Variants in VSTM4 observed in about 807,000 individuals in gnomAD.
VSTM4 encodes V-set and transmembrane domain containing 4, also known as V-set and transmembrane domain-containing protein 4.
A neutral mutation model predicts 36.4 loss-of-function variants in VSTM4; 20 were observed. That is an observed-to-expected ratio of 0.55 (90% CI 0.39 to 0.80). The LOEUF (loss-of-function observed/expected upper bound fraction) is 0.80. Among genes scored for constraint, VSTM4 ranks in the 30% least tolerant of loss-of-function variants. VSTM4 has a pLI of 0.00. For synonymous variants in VSTM4, 182 were observed against 173.9 expected (o/e 1.05, Z -0.37); for missense variants, 392 against 404.5 (o/e 0.97, Z 0.26).
chr10:49,028,644 T>C (rs58468873), intron 7 of VSTM4, among the ~76,000 whole-genome samples: 5,777 of 152,294 alleles, frequency 0.038, 312 homozygotes, highest in African/African-American at 0.11. Flanking sequence ...AACTTAACAT[T>C]CTTACTAAGA....
chr10:49,023,902 A>C (rs1315116900), intron 7 of VSTM4, among the ~76,000 whole-genome samples: 1 of 152,186 alleles, frequency 6.6e-6, no homozygotes, highest in Non-Finnish European at 1.5e-5. Context: ...ATTCCATTGA[A>C]AGCCTCAAGG....
intron 2 of VSTM4, among the ~76,000 whole-genome samples, chr10:49,098,237 C>A (rs924563569): frequency 3.3e-5 from 5 of 152,212 alleles, no homozygotes; most frequent in African/African-American, 1.2e-4. Context: ...TCCTCACCAG[C>A]CTTGGGGCTG....
rs1424967763 is a variant in VSTM4 at position 49,107,695 on chromosome 10, G to A, written c.356C>T (p.Pro119Leu). The stretch of plus-strand genomic sequence containing the variant: ...GCAGACGTAATGCCCTTGATCGGAG[G>A]GCTGCAGTGTCAAGACGGAGAGCCT... ...LYRLSVLTLQPSDQGHYVCRV... is the reference protein window; with the variant it reads ...LYRLSVLTLQLSDQGHYVCRV... Residue 119 changes from proline (P) to leucine (L), a missense_variant, in exon 2 of 8, where the codon CCC (proline) becomes CTC (leucine). Pro to Leu is a moderately conservative substitution (Grantham distance 98). Coordinates refer to ENST00000332853, the MANE Select transcript of VSTM4 (RefSeq NM_001031746.5). The A allele has an allele frequency of 6.2e-7, 1 of 1,614,226 alleles. No individual in the cohort carries two copies. Among genetic ancestry groups the A allele is most frequent in the Non-Finnish European group, 8.5e-7 (1 of 1,180,032 alleles).
At chr10:49,044,259 T>C (rs916948425) in intron 7 of VSTM4, among the ~76,000 whole-genome samples, 3 of 151,538 alleles carry the variant, frequency 2.0e-5, no homozygotes, top group Admixed American at 2.0e-4. Context: ...ACCAGGGAGG[T>C]GGAGGCTGCA....
At chr10:49,076,991 C>G (rs947860054) in intron 4 of VSTM4, among the ~76,000 whole-genome samples, 5 of 152,154 alleles carry the variant, frequency 3.3e-5, no homozygotes, top group Non-Finnish European at 5.9e-5. Flanking sequence ...CAGGAAGGGG[C>G]CTCAGAAACC....
At chr10:49,066,578 T>G (rs550500271) in intron 4 of VSTM4, among the ~76,000 whole-genome samples, 3 of 152,280 alleles carry the variant, frequency 2.0e-5, no homozygotes, top group Admixed American at 2.0e-4. Flanking sequence ...CTAATATCTA[T>G]TAACAAAATT....
chr10:49,035,010 G>C (rs1246364811), intron 7 of VSTM4, among the ~76,000 whole-genome samples: 1 of 152,240 alleles, frequency 6.6e-6, no homozygotes, highest in African/African-American at 2.4e-5. Flanking sequence ...CGCTGAGATG[G>C]AAAACAAGCT....
chr10:49,099,154 C>T (rs928505685), intron 2 of VSTM4, among the ~76,000 whole-genome samples: 1 of 152,210 alleles, frequency 6.6e-6, no homozygotes, highest in African/African-American at 2.4e-5. Context: ...ACGACACAAT[C>T]ACCTCCTTCT....
At chr10:49,079,835 A>G (rs1414543534) in intron 3 of VSTM4, among the ~76,000 whole-genome samples, 1 of 152,050 alleles carries the variant, frequency 6.6e-6, no homozygotes, top group East Asian at 1.9e-4. Context: ...CCATCCTGTC[A>G]CCCTGAGATA....
In VSTM4 at chr10:49,078,497, T is replaced by A. The variant is rs183909820; in HGVS notation, c.527-1171A>T. Among the ~76,000 whole-genome samples, 3 of 147,404 alleles carry A rather than the reference T, an allele frequency of 2.0e-5. No individual in the cohort carries two copies. The Admixed American group carries it at 2.1e-4, about 10-fold the overall frequency. On this transcript the variant is annotated intron_variant, in intron 3 of 7. Transcript: ENST00000332853. The stretch of plus-strand genomic sequence containing the variant: ...CTATCGACACACACACCAACCTGGA[T>A]GAATCTCCAGAGAAGTACGCTGAGT...
At chr10:49,069,028 C>A (rs1844024926) in intron 4 of VSTM4, among the ~76,000 whole-genome samples, 1 of 151,998 alleles carries the variant, frequency 6.6e-6, no homozygotes, top group Non-Finnish European at 1.5e-5. Flanking sequence ...ACCACCCCCA[C>A]CCTTTCTTCT....
At chr10:49,071,572 G>C (rs1412973977) in intron 4 of VSTM4, among the ~76,000 whole-genome samples, 1 of 152,234 alleles carries the variant, frequency 6.6e-6, no homozygotes, top group Non-Finnish European at 1.5e-5. Context: ...GCCAGGCTTG[G>C]GGTGAGGGCA....
rs537382859 is a variant in VSTM4, at chr10:49,045,924, G to A, written c.837+1059C>T. 6.6e-5 allele frequency among the ~76,000 whole-genome samples: 10 copies of A among 152,274 alleles called. No individual in the cohort carries two copies. In the South Asian group the frequency reaches 2.1e-3, roughly 32 times the overall value. ...CAAATTGTAAACCCCAGGTGTCAAGGGAGGGAAGTGATTGGGTTAGGGGGT... is the reference window on the plus strand; with the variant it reads ...CAAATTGTAAACCCCAGGTGTCAAGAGAGGGAAGTGATTGGGTTAGGGGGT... On this transcript the variant is annotated intron_variant, in intron 7 of 7. Transcript: ENST00000332853.
intron 1 of VSTM4, among the ~76,000 whole-genome samples, chr10:49,109,318 G>C (rs1349826854): frequency 6.6e-6 from 1 of 152,216 alleles, no homozygotes; most frequent in Non-Finnish European, 1.5e-5. Flanking sequence ...CTGAACATTT[G>C]ACAAGGAGGC....
At chr10:49,063,356 T>G (rs1246071286) in intron 5 of VSTM4, among the ~76,000 whole-genome samples, 1 of 152,170 alleles carries the variant, frequency 6.6e-6, no homozygotes, top group African/African-American at 2.4e-5. Context: ...AAAAACTGCT[T>G]CAAAATTTTT....
chr10:49,074,086 A>AC (rs1844130665), intron 4 of VSTM4, among the ~76,000 whole-genome samples: 1 of 152,204 alleles, frequency 6.6e-6, no homozygotes, highest in Middle Eastern at 3.2e-3. Flanking sequence ...GTCTTCGCAT[A>AC]TACAAACAGG....
chr10:49,054,106 C>G (rs1011827579), intron 5 of VSTM4, among the ~76,000 whole-genome samples: 1 of 152,168 alleles, frequency 6.6e-6, no homozygotes, highest in Non-Finnish European at 1.5e-5. Context: ...AGGTCCTTCT[C>G]AAAAGTCACC....
chr10:49,049,913 G>A (rs965703788), intron 5 of VSTM4, among the ~76,000 whole-genome samples: 3 of 152,128 alleles, frequency 2.0e-5, no homozygotes, highest in Non-Finnish European at 2.9e-5. Flanking sequence ...AATTACAGGC[G>A]CTTAGACTCT....
intron 5 of VSTM4, among the ~76,000 whole-genome samples, chr10:49,049,164 G>A (rs2131961109): frequency 6.6e-6 from 1 of 152,272 alleles, no homozygotes; most frequent in Non-Finnish European, 1.5e-5. Context: ...TTACCTTTAG[G>A]ACAGGTGAAG....
Sources: allele counts gnomAD v4.1 joint callset (sites outside exome capture counted in the v4.1 genomes callset), GRCh38; gene constraint gnomAD v4.1.1; transcripts MANE v1.5; gene names NCBI Gene and HGNC (gene_info 2026-07-23, HGNC 2026-07-21).